PAK2: variants seen among roughly 807,000 people sequenced by gnomAD.
PAK2 encodes the protein p21 (RAC1) activated kinase 2.
Under a neutral mutation model 65.9 loss-of-function variants are expected in PAK2, and 21 were observed. The ratio of observed to expected loss-of-function variants is 0.32; its 90% CI spans 0.23 to 0.46. The LOEUF (loss-of-function observed/expected upper bound fraction) is 0.46, where lower values mean the gene tolerates loss of function less well. Ranked by LOEUF, PAK2 falls within the 20% of genes least tolerant of loss-of-function variation. The probability of loss-of-function intolerance (pLI) is 1.00; values close to 1 mark genes in which losing one functional copy is unlikely to be tolerated. For synonymous variants in PAK2, 204 were observed against 219.7 expected (o/e 0.93, Z 0.63); for missense variants, 324 against 642.6 (o/e 0.50, Z 5.36).
intron 14 of PAK2, among the ~76,000 whole-genome samples, chr3:196,827,839 C>T (rs1313338074): frequency 3.3e-5 from 5 of 151,326 alleles, no homozygotes; most frequent in Non-Finnish European, 5.9e-5. Context: ...ATCCTCAGAC[C>T]TGTTTACAGT....
At chr3:196,810,744 G>A (rs544872346) in intron 8 of PAK2, 91 bp downstream of exon 8, 196 of 739,636 alleles carry the variant, frequency 2.6e-4, no homozygotes, top group Non-Finnish European at 4.1e-4. Context: ...CCGACATCAA[G>A]TACTTATATA....
intron 2 of PAK2, 116 bp from the exon 3 acceptor site, chr3:196,801,811 C>T: frequency 1.7e-6 from 1 of 605,556 alleles, no homozygotes; most frequent in East Asian, 2.9e-5. Flanking sequence ...CCAGCCTGGG[C>T]AACAAGAGCG....
intron 7 of PAK2, among the ~76,000 whole-genome samples, chr3:196,809,345 T>C (rs1715697962): frequency 8.0e-6 from 1 of 125,416 alleles, no homozygotes; most frequent in Non-Finnish European, 1.6e-5. Context: ...TTATTATTAT[T>C]ATCTTTTTTT....
chr3:196,757,731 C>T (rs1034352447), intron 1 of PAK2, among the ~76,000 whole-genome samples: 9 of 152,214 alleles, frequency 5.9e-5, no homozygotes, highest in Non-Finnish European at 7.4e-5. Context: ...TCATGAGCTA[C>T]GTGGTACTTA....
chr3:196,832,056 G>A lies in PAK2; in HGVS notation c.*3651G>A, dbSNP rs918584536. On this transcript the variant is annotated 3_prime_UTR_variant, in exon 15 of 15. Transcript: ENST00000327134. The stretch of plus-strand genomic sequence containing the variant: ...CTCTGGCAAAGATGCTGTGGTGGAT[G>A]AGGTTGGAGTTCGAAAGAAGAAGCA... 6.6e-6 allele frequency: 1 copy of A among 152,240 alleles called. No homozygotes were observed. The highest frequency in any genetic ancestry group is 2.4e-5 in the African/African-American group (1 of 41,464). 9.4% of individuals were successfully genotyped at this position (152,240 alleles called of 1,614,324 possible).
rs773549717 is a variant in PAK2, at chr3:196,784,222, TC to T, written c.187+1390del. 2.4e-4 allele frequency among the ~76,000 whole-genome samples: 31 copies of T among 128,766 alleles called. No homozygotes were observed. The East Asian group carries it at 5.0e-3, about 21-fold the overall frequency. 84.5% of individuals were successfully genotyped at this position (128,766 alleles called of 152,430 possible). A position where few individuals can be genotyped will look rare whatever the true frequency, so the allele number is the denominator to read the frequency against. ...TTGGTTTTGTTTTTAATTTTTTTTT[TC>T]TTTTTTTTTTTTTTAATTATACTTT... On this transcript the variant is annotated intron_variant, in intron 2 of 14. Transcript: ENST00000327134.
At position 196,752,391 on chromosome 3, in the gene PAK2, T is replaced by A. The variant is rs1713633069; in HGVS notation, c.-22+12234T>A. On this transcript the variant is annotated intron_variant, in intron 1 of 14. Transcript: ENST00000327134. Reference sequence around the variant, plus strand: ...AGTCTAAATCTAAATTGAAAAAAAATTTTCTGATCTGTAAGCCTGAAAAAG... The same window carrying A: ...AGTCTAAATCTAAATTGAAAAAAAAATTTCTGATCTGTAAGCCTGAAAAAG... Among the ~76,000 whole-genome samples the A allele has an allele frequency of 2.6e-5, 4 of 152,156 alleles. No homozygotes were observed. The South Asian group carries it at 8.3e-4, about 31-fold the overall frequency.
chr3:196,761,705 G>A (rs1643837391), intron 1 of PAK2, among the ~76,000 whole-genome samples: 1 of 137,776 alleles, frequency 7.3e-6, no homozygotes, highest in Admixed American at 7.4e-5. Flanking sequence ...GCCGGGCAGA[G>A]GGGCTCCTCA....
intron 1 of PAK2, among the ~76,000 whole-genome samples, chr3:196,778,272 G>A (rs947924859): frequency 6.6e-6 from 1 of 152,082 alleles, no homozygotes; most frequent in African/African-American, 2.4e-5. Context: ...GATACACCAC[G>A]TTTTGTGTAT....
At chr3:196,807,649 T>G in intron 6 of PAK2, 133 bp from the exon 7 acceptor site, 1 of 537,900 alleles carries the variant, frequency 1.9e-6, no homozygotes, top group Non-Finnish European at 3.4e-6. Context: ...CTGAAAATAG[T>G]GTTCTCATTA....
At chr3:196,773,158 A>G (rs1714414640) in intron 1 of PAK2, among the ~76,000 whole-genome samples, 1 of 152,206 alleles carries the variant, frequency 6.6e-6, no homozygotes, top group Non-Finnish European at 1.5e-5. Flanking sequence ...AGAAGAGTAC[A>G]GTGTGTTTTG....
chr3:196,777,722 C>T lies in PAK2; in HGVS notation c.-21-4904C>T, dbSNP rs147771302. 7.7e-3 allele frequency among the ~76,000 whole-genome samples: 1,171 copies of T among 152,220 alleles called. 12 individuals are homozygous for T. The highest frequency in any genetic ancestry group is 0.01 in the Non-Finnish European group (707 of 68,010). ...TGCCTGACCTAACTTAAAACAAGTA[C>T]GTGTTGGTCTTTCTCCAGGTTATGA... On this transcript the variant is annotated intron_variant, in intron 1 of 14. Coordinates refer to ENST00000327134, the MANE Select transcript of PAK2 (RefSeq NM_002577.4).
In PAK2 at chr3:196,831,030, G is replaced by GCACCCGC. The variant is rs1227756163; in HGVS notation, c.*2630_*2636dup. The stretch of plus-strand genomic sequence containing the variant: ...GCCTCCTGAGTAGCTGAGACCACAG[G>GCACCCGC]CACCCGCCACCACACCCAGCTATTT... On this transcript the variant is annotated 3_prime_UTR_variant, in exon 15 of 15. Transcript: ENST00000327134. 1 of 152,200 alleles carries GCACCCGC rather than the reference G, an allele frequency of 6.6e-6. No individual in the cohort carries two copies. Among genetic ancestry groups the GCACCCGC allele is most frequent in the African/African-American group, 2.4e-5 (1 of 41,494 alleles). The allele number at this position is 152,200 out of a possible 1,614,324, so 9.4% of individuals were successfully genotyped here. A position where few individuals can be genotyped will look rare whatever the true frequency, so the allele number is the denominator to read the frequency against.
At chr3:196,749,870 G>A (rs1560088932) in intron 1 of PAK2, among the ~76,000 whole-genome samples, 1 of 151,932 alleles carries the variant, frequency 6.6e-6, no homozygotes, top group Non-Finnish European at 1.5e-5. Flanking sequence ...TGCCTGGGCT[G>A]GAATGTAGTG....
intron 1 of PAK2, among the ~76,000 whole-genome samples, chr3:196,751,208 A>G (rs1016187892): frequency 6.6e-6 from 1 of 152,124 alleles, no homozygotes; most frequent in African/African-American, 2.4e-5. Context: ...TTTGTAGCAT[A>G]TAGTATAGGT....
chr3:196,783,588 A>AG (rs1714783313), intron 2 of PAK2, among the ~76,000 whole-genome samples: 1 of 151,740 alleles, frequency 6.6e-6, no homozygotes, highest in Admixed American at 6.6e-5. Flanking sequence ...TCAAAAAAAA[A>AG]AAAAAAAAGT....
intron 1 of PAK2, among the ~76,000 whole-genome samples, chr3:196,759,530 T>TTTTTTTTTTTTTTTTTTTTG (rs1713893015): frequency 7.5e-6 from 1 of 133,596 alleles, no homozygotes; most frequent in Non-Finnish European, 1.5e-5. Flanking sequence ...TTTTTTTTTT[T>TTTTTTTTTTTTTTTTTTTTG]TTTTTTTGAG....
chr3:196,771,907 ATTGTTCATTAATTCTG>A (rs1714373549), intron 1 of PAK2, among the ~76,000 whole-genome samples: 4 of 152,032 alleles, frequency 2.6e-5, no homozygotes. Flanking sequence ...TCATTAGTTC[ATTGTTCATTAATTCTG>A]TCTAACACTA....
chr3:196,770,623 G>A (rs555128123), intron 1 of PAK2, among the ~76,000 whole-genome samples: 4 of 151,718 alleles, frequency 2.6e-5, no homozygotes, highest in Non-Finnish European at 5.9e-5. Context: ...TTATTTTATT[G>A]TATTGTATTG....
Sources: allele counts gnomAD v4.1 joint callset (sites outside exome capture counted in the v4.1 genomes callset), GRCh38; gene constraint gnomAD v4.1.1; transcripts MANE v1.5; gene names NCBI Gene and HGNC (gene_info 2026-07-23, HGNC 2026-07-21).